The following SGMS1 variants were observed in gnomAD, a reference collection of about 807,000 sequenced individuals.
SGMS1 encodes sphingomyelin synthase 1.
SGMS1 carries 13 observed loss-of-function variants against 46.2 expected under a neutral mutation model. That is an observed-to-expected ratio of 0.28 (90% CI 0.18 to 0.45). The LOEUF (loss-of-function observed/expected upper bound fraction) is 0.45, where lower values mean the gene tolerates loss of function less well. Among genes scored for constraint, SGMS1 ranks in the 20% least tolerant of loss-of-function variants. The pLI is 1.00. For missense variants in SGMS1, 324 were observed against 519.9 expected (o/e 0.62, Z 3.66); for synonymous variants, 203 against 187.8 (o/e 1.08, Z -0.66).
At chr10:50,401,497 C>T (rs553214722) in intron 6 of SGMS1, among the ~76,000 whole-genome samples, 1 of 152,274 alleles carries the variant, frequency 6.6e-6, no homozygotes, top group African/African-American at 2.4e-5. Flanking sequence ...CATTCATTTT[C>T]AAAGCCTCTG....
chr10:50,332,182 C>G (rs945930785), intron 7 of SGMS1, among the ~76,000 whole-genome samples: 2 of 152,170 alleles, frequency 1.3e-5, no homozygotes, highest in African/African-American at 4.8e-5. Flanking sequence ...GGCCACCCTC[C>G]CTATCATTCT....
intron 5 of SGMS1, among the ~76,000 whole-genome samples, chr10:50,450,575 A>G (rs1305662640): frequency 6.6e-6 from 1 of 152,184 alleles, no homozygotes; most frequent in Non-Finnish European, 1.5e-5. Context: ...TAAATAAGCT[A>G]TTAGTTACCT....
In SGMS1 at chr10:50,343,905, C is replaced by G. The variant is rs1396663874; in HGVS notation, c.210G>C (p.Glu70Asp). The stretch of plus-strand genomic sequence containing the variant: ...CGTTCTTGTGTGCTTCCAAATGGTG[C>G]TCCATTTTCAGGGTTTCTATCATGT... ...LLDMIETLKM[E>D]HHLEAHKNGH... Residue 70 changes from glutamate (E) to aspartate (D), a missense_variant, in exon 7 of 11, where the codon GAG becomes GAC. Glu to Asp is a conservative substitution (Grantham distance 45, BLOSUM62 2). Coordinates refer to ENST00000361781, the MANE Select transcript of SGMS1 (RefSeq NM_147156.4). 3.7e-6 allele frequency: 6 copies of G among 1,613,990 alleles called. No individual in the cohort carries two copies. In the Admixed American group the frequency reaches 6.7e-5, roughly 18 times the overall value.
At chr10:50,383,606 A>G (rs1476290409) in intron 6 of SGMS1, among the ~76,000 whole-genome samples, 1 of 152,172 alleles carries the variant, frequency 6.6e-6, no homozygotes, top group Non-Finnish European at 1.5e-5. Flanking sequence ...ACAACACTTA[A>G]TAATGACTAG....
Position 50,588,718 on chromosome 10 carries a change from C to G in SGMS1, c.-589+1435G>C, listed in dbSNP as rs531668734. ...ATCACATCAGAGCACAGAGACTGAT[C>G]TAATTTTTTTTTTTTTTTTTTTTTT... On this transcript the variant is annotated intron_variant, in intron 2 of 10. Coordinates refer to ENST00000361781, the MANE Select transcript of SGMS1 (RefSeq NM_147156.4). Among the ~76,000 whole-genome samples, 854 of 130,598 alleles carry G rather than the reference C, an allele frequency of 6.5e-3. 9 individuals carry two copies. The highest frequency in any genetic ancestry group is 0.025 in the Middle Eastern group (6 of 236). 85.7% of individuals were successfully genotyped at this position (130,598 alleles called of 152,430 possible).
chr10:50,624,828 T>G, upstream of SGMS1: 1 of 986,780 alleles, frequency 1.0e-6, no homozygotes, highest in Non-Finnish European at 1.2e-6. Flanking sequence ...GCGCCGCACC[T>G]CGGTGGCCTA....
intron 1 of SGMS1, among the ~76,000 whole-genome samples, chr10:50,591,161 ATT>A (rs1838537413): frequency 6.6e-6 from 1 of 152,190 alleles, no homozygotes; most frequent in South Asian, 2.1e-4. Flanking sequence ...TACCCATCAC[ATT>A]TGATCACAGC....
At chr10:50,344,424 G>A (rs1024269370) in intron 6 of SGMS1, 79 bp from the exon 7 acceptor site, 1 of 268,346 alleles carries the variant, frequency 3.7e-6, no homozygotes, top group Admixed American at 4.7e-5. Flanking sequence ...ATATACATAA[G>A]GAAAGTAGAA....
Position 50,520,710 on chromosome 10 carries a change from C to T in SGMS1, c.-588-789G>A, listed in dbSNP as rs114035971. 3.8e-3 allele frequency among the ~76,000 whole-genome samples: 571 copies of T among 152,232 alleles called. 3 individuals carry two copies. Among genetic ancestry groups the T allele is most frequent in the African/African-American group, 0.013 (549 of 41,534 alleles). On this transcript the variant is annotated intron_variant, in intron 2 of 10. Transcript: ENST00000361781. ...CTTCCTGCATAGATACTCATAGATA[C>T]GCCAACAGAGATAGAATGGCTTTGC...
intron 6 of SGMS1, among the ~76,000 whole-genome samples, chr10:50,357,801 T>C (rs921328709): frequency 2.6e-5 from 4 of 152,218 alleles, no homozygotes; most frequent in African/African-American, 7.2e-5. Flanking sequence ...TTATGATTTT[T>C]TAAGGCATGA....
intron 8 of SGMS1, among the ~76,000 whole-genome samples, chr10:50,320,632 A>G (rs1847426300): frequency 6.6e-6 from 1 of 152,292 alleles, no homozygotes; most frequent in Admixed American, 6.5e-5. Context: ...ATCTTCCCAC[A>G]AGATTGACTG....
chr10:50,508,146 T>C (rs758216236), intron 3 of SGMS1, among the ~76,000 whole-genome samples: 1 of 152,218 alleles, frequency 6.6e-6, no homozygotes. Flanking sequence ...TACAGTCGTT[T>C]ATTCTGTGAG....
At chr10:50,535,709 A>G (rs752588948) in intron 2 of SGMS1, among the ~76,000 whole-genome samples, 11 of 151,954 alleles carry the variant, frequency 7.2e-5, no homozygotes, top group Non-Finnish European at 1.6e-4. Flanking sequence ...ATACCACTCT[A>G]TGACCACAGG....
chr10:50,416,719 T>C (rs1471826643), intron 6 of SGMS1, among the ~76,000 whole-genome samples: 1 of 151,910 alleles, frequency 6.6e-6, no homozygotes, highest in Non-Finnish European at 1.5e-5. Context: ...ACAATTAACC[T>C]ATGAGCTTGA....
intron 8 of SGMS1, 67 bp from the exon 9 acceptor site, chr10:50,311,482 T>C (rs1006214399): frequency 4.1e-6 from 6 of 1,473,892 alleles, no homozygotes; most frequent in African/African-American, 1.4e-5. Context: ...TGTGCGAAGA[T>C]TACTATTCAT....
intron 8 of SGMS1, among the ~76,000 whole-genome samples, chr10:50,326,356 G>A (rs7894586): frequency 0.24 from 35,736 of 151,876 alleles, 4,260 homozygotes; most frequent in East Asian, 0.31. Flanking sequence ...CTATCAAAGA[G>A]AACATCTCTT....
At chr10:50,428,208 T>G (rs1335182522) in intron 6 of SGMS1, among the ~76,000 whole-genome samples, 1 of 152,082 alleles carries the variant, frequency 6.6e-6, no homozygotes, top group African/African-American at 2.4e-5. Context: ...CCACTCCATG[T>G]CCTCTTCACT....
At chr10:50,394,530 C>T (rs763647942) in intron 6 of SGMS1, among the ~76,000 whole-genome samples, 1 of 152,198 alleles carries the variant, frequency 6.6e-6, no homozygotes, top group Non-Finnish European at 1.5e-5. Flanking sequence ...CCATAACTGT[C>T]AATAGTGTTG....
At chr10:50,501,216 A>T (rs1391912813) in intron 3 of SGMS1, among the ~76,000 whole-genome samples, 1 of 152,012 alleles carries the variant, frequency 6.6e-6, no homozygotes, top group Non-Finnish European at 1.5e-5. Flanking sequence ...CTTGGAGTAA[A>T]TTCTCATTCT....
Sources: gnomAD v4.1 joint callset for allele counts (sites outside exome capture counted in the v4.1 genomes callset) on GRCh38, gnomAD v4.1.1 for gene constraint, MANE v1.5 for transcripts, NCBI Gene and HGNC (gene_info 2026-07-23, HGNC 2026-07-21) for gene names.